DNMT3A: variants seen among roughly 807,000 people sequenced by gnomAD.
DNMT3A encodes DNA methyltransferase 3 alpha.
Under a neutral mutation model 117.6 loss-of-function variants are expected in DNMT3A, and 267 were observed. That is an observed-to-expected ratio of 2.27 (90% CI 2.05 to 2.51). The LOEUF is 2.51. Among genes scored for constraint, DNMT3A ranks in the 30% most tolerant of loss-of-function variants. The pLI is 0.00. For missense variants in DNMT3A, 1,029 were observed against 1,260.2 expected, an observed-to-expected ratio of 0.82 and a Z score of 2.78; for synonymous variants, 432 against 474.8, an observed-to-expected ratio of 0.91 and a Z score of 1.17.
Position 25,339,098 on chromosome 2 carries a change from A to C in DNMT3A, c.-178+2728T>G, listed in dbSNP as rs961148179. Among the ~76,000 whole-genome samples, 14 of 151,232 alleles carry C rather than the reference A, an allele frequency of 9.3e-5. No individual in the cohort carries two copies. Among genetic ancestry groups the C allele is most frequent in the African/African-American group, 3.2e-4 (13 of 41,110 alleles). ...AAGGCCCAACTCGCTGGGCGCCCTGATCTCTCTCATATCTCCTTCTCCTTG... is the reference window on the plus strand; with the variant it reads ...AAGGCCCAACTCGCTGGGCGCCCTGCTCTCTCTCATATCTCCTTCTCCTTG... On this transcript the variant is annotated intron_variant, in intron 1 of 22. Coordinates refer to ENST00000321117, the MANE Select transcript of DNMT3A (RefSeq NM_022552.5). The surrounding 1 kb of genome is among the most constrained non-coding windows in gnomAD (Gnocchi z 4.9).
chr2:25,320,677 G>A (rs894816731), intron 1 of DNMT3A, among the ~76,000 whole-genome samples: 3 of 152,026 alleles, frequency 2.0e-5, no homozygotes, highest in African/African-American at 7.2e-5. Flanking sequence ...CTATTACAGT[G>A]CACCACAAGG....
rs552618103 is a variant in DNMT3A at position 25,304,349 on chromosome 2, T to C, written c.73-4106A>G. The stretch of plus-strand genomic sequence containing the variant: ...GTTATAAGAATTAAATGAGGTGATG[T>C]AGCAAAAGCTGACACGTGATAGTCA... On this transcript the variant is annotated intron_variant, in intron 2 of 22. Coordinates refer to ENST00000321117, the MANE Select transcript of DNMT3A (RefSeq NM_022552.5). The surrounding 1 kb of genome is among the most constrained non-coding windows in gnomAD (Gnocchi z 4.3). Among the ~76,000 whole-genome samples, 2 of 152,216 alleles carry C rather than the reference T, an allele frequency of 1.3e-5. No individual in the cohort carries two copies. Among genetic ancestry groups the C allele is most frequent in the Non-Finnish European group, 2.9e-5 (2 of 68,032 alleles).
intron 4 of DNMT3A, among the ~76,000 whole-genome samples, chr2:25,278,290 C>G (rs2031621306): frequency 6.6e-6 from 1 of 152,230 alleles, no homozygotes; most frequent in Admixed American, 6.5e-5. Flanking sequence ...GCCTTCGAGT[C>G]TGAGCTATAC....
rs919350046 is a variant in DNMT3A, at chr2:25,296,804, G to C, written c.177+3335C>G. On this transcript the variant is annotated intron_variant, in intron 3 of 22. Transcript: ENST00000321117. This position sits in a 1 kb window ranked among gnomAD's most constrained non-coding sequence, Gnocchi z 4.2. ...GGGGGCAAAAGGAGGAGAGAGCCCA[G>C]GATTTCTTGGGCTTGGGGGTGGGAC... Among the ~76,000 whole-genome samples, 1 of 152,184 alleles carries C rather than the reference G, an allele frequency of 6.6e-6. No homozygotes were observed. The highest frequency in any genetic ancestry group is 2.1e-4 in the South Asian group (1 of 4,836).
At chr2:25,291,159 C>G (rs2032733826) in intron 3 of DNMT3A, among the ~76,000 whole-genome samples, 1 of 152,256 alleles carries the variant, frequency 6.6e-6, no homozygotes, top group African/African-American at 2.4e-5. Context: ...CCCACCGCAA[C>G]TCCTCGCTCC....
intron 1 of DNMT3A, among the ~76,000 whole-genome samples, chr2:25,318,492 G>A (rs945861601): frequency 6.6e-6 from 1 of 151,908 alleles, no homozygotes; most frequent in Non-Finnish European, 1.5e-5. Context: ...CGCCATGTTG[G>A]CCAGGCTGGT....
At chr2:25,264,384 C>T (rs965007685) in intron 6 of DNMT3A, among the ~76,000 whole-genome samples, 1 of 151,970 alleles carries the variant, frequency 6.6e-6, no homozygotes, top group African/African-American at 2.4e-5. Flanking sequence ...AAGAGATCCA[C>T]CCGCCTTGGC....
intron 16 of DNMT3A, among the ~76,000 whole-genome samples, chr2:25,242,749 G>A (rs1205361297): frequency 6.6e-6 from 1 of 152,190 alleles, no homozygotes; most frequent in African/African-American, 2.4e-5. Flanking sequence ...CAGGGCAGAG[G>A]GGTGGATGTG....
chr2:25,307,459 C>CTTTTTTTTTTT, intron 2 of DNMT3A, among the ~76,000 whole-genome samples: 1 of 79,096 alleles, frequency 1.3e-5, no homozygotes, highest in South Asian at 4.3e-4. Flanking sequence ...CACACCGCAG[C>CTTTTTTTTTTT]TTTTTTTTTT....
rs772860849 is a variant in DNMT3A at position 25,286,897 on chromosome 2, C to T, written c.178-4186G>A. 7.9e-5 allele frequency among the ~76,000 whole-genome samples: 12 copies of T among 152,236 alleles called. No homozygotes were observed. The highest frequency in any genetic ancestry group is 1.8e-4 in the Non-Finnish European group (12 of 68,036). On this transcript the variant is annotated intron_variant, in intron 3 of 22. Coordinates refer to ENST00000321117, the MANE Select transcript of DNMT3A (RefSeq NM_022552.5). The surrounding 1 kb of genome is among the most constrained non-coding windows in gnomAD (Gnocchi z 4.3). ...ACTCTCCTCCCCTCCTTTCCCCTGT[C>T]TCCACAGCTTGTTGACCTCTGGAGG... is the stretch of plus-strand genomic sequence containing the variant.
chr2:25,315,050 C>A (rs1199582816), intron 1 of DNMT3A, among the ~76,000 whole-genome samples: 1 of 152,214 alleles, frequency 6.6e-6, no homozygotes, highest in South Asian at 2.1e-4. Context: ...GCCGCCAAGC[C>A]CCTGCCTTGA....
chr2:25,303,385 C>G (rs1423105775), intron 2 of DNMT3A, among the ~76,000 whole-genome samples: 1 of 152,230 alleles, frequency 6.6e-6, no homozygotes, highest in Non-Finnish European at 1.5e-5. Flanking sequence ...GCTGGCATCT[C>G]TCACCTACAC....
At chr2:25,285,652 G>A (rs1231483884) in intron 3 of DNMT3A, among the ~76,000 whole-genome samples, 2 of 152,256 alleles carry the variant, frequency 1.3e-5, no homozygotes, top group African/African-American at 4.8e-5. Context: ...GATGCCAGCA[G>A]AGCCAGGAAG....
At chr2:25,267,006 A>T (rs1303649414) in intron 6 of DNMT3A, among the ~76,000 whole-genome samples, 1 of 152,220 alleles carries the variant, frequency 6.6e-6, no homozygotes, top group Non-Finnish European at 1.5e-5. Flanking sequence ...ATCATAAACA[A>T]CATAAATGGC....
intron 1 of DNMT3A, among the ~76,000 whole-genome samples, chr2:25,333,912 G>C (rs2035106718): frequency 6.6e-6 from 1 of 152,192 alleles, no homozygotes; most frequent in Non-Finnish European, 1.5e-5. Context: ...AGCACAAATG[G>C]GGCTGAGACA....
intron 17 of DNMT3A, 136 bp from the exon 18 acceptor site, chr2:25,240,866 C>G: frequency 1.3e-6 from 1 of 786,890 alleles, no homozygotes; most frequent in South Asian, 1.7e-5. Context: ...TCTGCAGGCT[C>G]ACGACCCTAG....
chr2:25,316,607 G>A (rs1377538348), intron 1 of DNMT3A, among the ~76,000 whole-genome samples: 1 of 152,186 alleles, frequency 6.6e-6, no homozygotes, highest in South Asian at 2.1e-4. Context: ...CCACCTACCC[G>A]TAGACGCTTC....
intron 13 of DNMT3A, among the ~76,000 whole-genome samples, chr2:25,245,049 AGAG>A (rs2149293846): frequency 6.6e-6 from 1 of 152,354 alleles, no homozygotes; most frequent in African/African-American, 2.4e-5. Flanking sequence ...AGAATCTTTC[AGAG>A]GAGAAAAATG....
chr2:25,321,077 G>A (rs1320309555), intron 1 of DNMT3A, among the ~76,000 whole-genome samples: 1 of 151,746 alleles, frequency 6.6e-6, no homozygotes. Context: ...AGGTTGCGGT[G>A]AGCGGAGATG....
Sources: allele counts gnomAD v4.1 joint callset (sites outside exome capture counted in the v4.1 genomes callset), GRCh38; gene constraint gnomAD v4.1.1; non-coding constraint Gnocchi (gnomAD v3.1); transcripts MANE v1.5; gene names NCBI Gene and HGNC (gene_info 2026-07-23, HGNC 2026-07-21).